The following CRMP1 variants were observed in gnomAD, a reference collection of about 807,000 sequenced individuals.
CRMP1 encodes collapsin response mediator protein 1.
In CRMP1, 19 loss-of-function variants were observed where a neutral mutation model predicts 68.3. That is an observed-to-expected ratio of 0.28 (90% CI 0.19 to 0.41). The LOEUF (loss-of-function observed/expected upper bound fraction) is 0.41, where lower values mean the gene tolerates loss of function less well. Among genes scored for constraint, CRMP1 ranks in the 10% least tolerant of loss-of-function variants. CRMP1 has a pLI of 1.00. For synonymous variants in CRMP1, 439 were observed against 399.6 expected, an observed-to-expected ratio of 1.10 and a Z score of -1.18; for missense variants, 791 against 967.4, an observed-to-expected ratio of 0.82 and a Z score of 2.42.
rs1487724776 is a variant in CRMP1, at chr4:5,825,533, G to A, written c.1930C>T (p.Pro644Ser). 6.3e-7 allele frequency: 1 copy of A among 1,588,638 alleles called. No homozygotes were observed. Among genetic ancestry groups the A allele is most frequent in the Non-Finnish European group, 8.5e-7 (1 of 1,171,376 alleles). Residue 644 changes from proline (P) to serine (S), a missense_variant, in exon 13 of 14, where the codon CCC becomes TCC. Pro to Ser is a moderately conservative substitution (Grantham distance 74). Transcript: ENST00000324989. The surrounding 1 kb of genome is among the most constrained non-coding windows in gnomAD (Gnocchi z 4.4). ...KSSPSKHQPP[P>S]IRNLHQSNFS... Reference sequence around the variant, plus strand: ...TTGGACTGGTGGAGGTTTCTGATGGGTGGGGGCTGGTGTTTAGAAGGCGAA... The same window carrying A: ...TTGGACTGGTGGAGGTTTCTGATGGATGGGGGCTGGTGTTTAGAAGGCGAA...
At chr4:5,880,584 G>A (rs959390381) in intron 1 of CRMP1, among the ~76,000 whole-genome samples, 37 of 152,178 alleles carry the variant, frequency 2.4e-4, no homozygotes, top group African/African-American at 8.9e-4. Context: ...GATCCCACTT[G>A]TGTGTAAAAA....
In CRMP1 at chr4:5,858,824, A is replaced by G. The variant is rs1577804700; in HGVS notation, c.655+2202T>C. 6.6e-6 allele frequency among the ~76,000 whole-genome samples: 1 copy of G among 152,202 alleles called. No homozygotes were observed. Among genetic ancestry groups the G allele is most frequent in the Non-Finnish European group, 1.5e-5 (1 of 68,000 alleles). On this transcript the variant is annotated intron_variant, in intron 3 of 13. Coordinates refer to ENST00000324989, the MANE Select transcript of CRMP1 (RefSeq NM_001014809.3). This position sits in a 1 kb window ranked among gnomAD's most constrained non-coding sequence, Gnocchi z 5.5. ...TTGCCTCACAGGATGTCATCCCTCA[A>G]TCTCGACACCCCTGCACCGTGGGCC...
intron 6 of CRMP1, among the ~76,000 whole-genome samples, chr4:5,848,780 T>G (rs1203971582): frequency 1.3e-5 from 2 of 152,174 alleles, no homozygotes; most frequent in Non-Finnish European, 2.9e-5. Context: ...AGCATGGCGG[T>G]GGGCATCACA....
Position 5,855,031 on chromosome 4 carries a change from A to G in CRMP1, c.820+1112T>C, listed in dbSNP as rs73797931. On this transcript the variant is annotated intron_variant, in intron 4 of 13. Transcript: ENST00000324989. This position sits in a 1 kb window ranked among gnomAD's most constrained non-coding sequence, Gnocchi z 4.9. ...AGCTAAGCAAATTAACCATTATATTATACATTACAAGCCATTAAAAAGTTA... is the reference window on the plus strand; with the variant it reads ...AGCTAAGCAAATTAACCATTATATTGTACATTACAAGCCATTAAAAAGTTA... Among the ~76,000 whole-genome samples, 2,690 of 152,304 alleles carry G rather than the reference A, an allele frequency of 0.018. 85 individuals are homozygous for G. Among genetic ancestry groups the G allele is most frequent in the African/African-American group, 0.061 (2,545 of 41,542 alleles).
intron 3 of CRMP1, among the ~76,000 whole-genome samples, chr4:5,856,716 C>T (rs1713091122): frequency 6.6e-6 from 1 of 151,796 alleles, no homozygotes; most frequent in Non-Finnish European, 1.5e-5. Flanking sequence ...CCACCACCGT[C>T]ATCACTATCA....
rs1189166971 is a variant in CRMP1 at position 5,890,342 on chromosome 4, A to C, written c.381+2247T>G. 3.9e-5 allele frequency among the ~76,000 whole-genome samples: 6 copies of C among 152,154 alleles called. No homozygotes were observed. Among genetic ancestry groups the C allele is most frequent in the Non-Finnish European group, 5.9e-5 (4 of 68,024 alleles). The stretch of plus-strand genomic sequence containing the variant: ...AGATTTCGCCGGTACAAAGCGCCGC[A>C]GCCGCTCAGCCTCCGGCAGCGGCAA... On this transcript the variant is annotated intron_variant, in intron 1 of 13. Coordinates refer to ENST00000324989, the MANE Select transcript of CRMP1 (RefSeq NM_001014809.3). The surrounding 1 kb of genome is among the most constrained non-coding windows in gnomAD (Gnocchi z 5.5).
Position 5,877,052 on chromosome 4 carries a change from AG to A in CRMP1, c.382-10297del, listed in dbSNP as rs1207192868. 6.6e-6 allele frequency among the ~76,000 whole-genome samples: 1 copy of A among 152,194 alleles called. No homozygotes were observed. Among genetic ancestry groups the A allele is most frequent in the Non-Finnish European group, 1.5e-5 (1 of 68,040 alleles). ...TGCACCAGTCTGAGCACAAGCTTTAAGGGGCAGATGGGTTCAGCTTTCCCTG... is the reference window on the plus strand; with the variant it reads ...TGCACCAGTCTGAGCACAAGCTTTAAGGGCAGATGGGTTCAGCTTTCCCTG... On this transcript the variant is annotated intron_variant, in intron 1 of 13. Transcript: ENST00000324989. This position sits in a 1 kb window ranked among gnomAD's most constrained non-coding sequence, Gnocchi z 4.3.
At position 5,843,726 on chromosome 4, in the gene CRMP1, G is replaced by A. The variant is rs1030860311; in HGVS notation, c.964-565C>T. Among the ~76,000 whole-genome samples the A allele has an allele frequency of 3.3e-5, 5 of 152,166 alleles. No homozygotes were observed. The highest frequency in any genetic ancestry group is 7.3e-5 in the Non-Finnish European group (5 of 68,040). On this transcript the variant is annotated intron_variant, in intron 6 of 13. Coordinates refer to ENST00000324989, the MANE Select transcript of CRMP1 (RefSeq NM_001014809.3). This position sits in a 1 kb window ranked among gnomAD's most constrained non-coding sequence, Gnocchi z 4.1. ...GAGTTACTACGCTGATCAGATGAGC[G>A]AGCATACGAAACATGCTCAGCACAA...
chr4:5,859,354 T>A lies in CRMP1; in HGVS notation c.655+1672A>T, dbSNP rs1356136957. ...GCTTACAGGGCAGGGCTCCCCAGGG[T>A]CTCACAGCTGGTAATGGAGAAAAGC... On this transcript the variant is annotated intron_variant, in intron 3 of 13. Coordinates refer to ENST00000324989, the MANE Select transcript of CRMP1 (RefSeq NM_001014809.3). This position sits in a 1 kb window ranked among gnomAD's most constrained non-coding sequence, Gnocchi z 5.2. Among the ~76,000 whole-genome samples, 1 of 151,940 alleles carries A rather than the reference T, an allele frequency of 6.6e-6. No individual in the cohort carries two copies. The highest frequency in any genetic ancestry group is 1.5e-5 in the Non-Finnish European group (1 of 67,996).
chr4:5,828,771 A>AT, intron 11 of CRMP1, 103 bp from the exon 12 acceptor site: 1 of 1,356,634 alleles, frequency 7.4e-7, no homozygotes. Context: ...GCGTGTTCCA[A>AT]TGTTTTTTTT....
chr4:5,824,381 G>C (rs1366118692), intron 13 of CRMP1: 1 of 985,392 alleles, frequency 1.0e-6, no homozygotes, highest in Non-Finnish European at 1.2e-6. Flanking sequence ...GATGAATGGG[G>C]AGGCCTCCTT....
intron 13 of CRMP1, among the ~76,000 whole-genome samples, chr4:5,823,621 C>T (rs1719047772): frequency 2.0e-5 from 3 of 152,140 alleles, no homozygotes; most frequent in African/African-American, 4.8e-5. Flanking sequence ...TATTAGCTCT[C>T]GGAAGAACTG....
chr4:5,885,284 C>T (rs1334428922), intron 1 of CRMP1, among the ~76,000 whole-genome samples: 2 of 152,156 alleles, frequency 1.3e-5, no homozygotes, highest in Non-Finnish European at 2.9e-5. Flanking sequence ...AAGCTACACC[C>T]TTATCCCCAC....
intron 1 of CRMP1, among the ~76,000 whole-genome samples, chr4:5,868,280 T>TCTATATATATATAG (rs1213817219): frequency 1.2e-5 from 1 of 86,346 alleles, no homozygotes; most frequent in African/African-American, 5.6e-5. Flanking sequence ...TATATATATA[T>TCTATATATATATAG]ATATATATAT....
rs747918902 is a variant in CRMP1, at chr4:5,855,855, C to T, written c.820+288G>A. Among the ~76,000 whole-genome samples the T allele has an allele frequency of 3.3e-5, 5 of 152,112 alleles. No homozygotes were observed. The highest frequency in any genetic ancestry group is 7.4e-5 in the Non-Finnish European group (5 of 67,984). ...AGGGATGGCAGCCAGGCTAGTGATC[C>T]GGGTGATGGAAAAGAAAAGTGAAGT... On this transcript the variant is annotated intron_variant, in intron 4 of 13. Transcript: ENST00000324989. This position sits in a 1 kb window ranked among gnomAD's most constrained non-coding sequence, Gnocchi z 4.9.
intron 11 of CRMP1, among the ~76,000 whole-genome samples, chr4:5,833,557 CCTCT>C (rs77284695): frequency 1.3e-5 from 2 of 151,026 alleles, no homozygotes; most frequent in Non-Finnish European, 2.9e-5. Flanking sequence ...ACACATGTGT[CCTCT>C]CTCTCTCTCC....
chr4:5,850,617 T>C lies in CRMP1; in HGVS notation c.882+791A>G, dbSNP rs1407941688. ...CACCATCCTAGCACTTTACTCTTCT[T>C]ATGAAATCATTCAACTGCCTCTATA... is the stretch of plus-strand genomic sequence containing the variant. On this transcript the variant is annotated intron_variant, in intron 5 of 13. Coordinates refer to ENST00000324989, the MANE Select transcript of CRMP1 (RefSeq NM_001014809.3). This position sits in a 1 kb window ranked among gnomAD's most constrained non-coding sequence, Gnocchi z 4.4. 6.6e-6 allele frequency among the ~76,000 whole-genome samples: 1 copy of C among 152,188 alleles called. No individual in the cohort carries two copies. Among genetic ancestry groups the C allele is most frequent in the Non-Finnish European group, 1.5e-5 (1 of 68,030 alleles).
intron 6 of CRMP1, among the ~76,000 whole-genome samples, chr4:5,844,500 T>C (rs1017781852): frequency 4.6e-5 from 7 of 152,162 alleles, no homozygotes; most frequent in African/African-American, 1.7e-4. Context: ...TCTAAAATAA[T>C]GGACTACACA....
chr4:5,861,360 T>G lies in CRMP1; in HGVS notation c.471-150A>C, dbSNP rs1713534846. 1.3e-6 allele frequency: 1 copy of G among 750,240 alleles called. No individual in the cohort carries two copies. The highest frequency in any genetic ancestry group is 1.8e-5 in the South Asian group (1 of 56,020). The allele number at this position is 750,240 out of a possible 1,614,324, so 46.5% of individuals were successfully genotyped here. A position where few individuals can be genotyped will look rare whatever the true frequency, so the allele number is the denominator to read the frequency against. On this transcript the variant is annotated intron_variant, in intron 2 of 13. Coordinates refer to ENST00000324989, the MANE Select transcript of CRMP1 (RefSeq NM_001014809.3). This position sits in a 1 kb window ranked among gnomAD's most constrained non-coding sequence, Gnocchi z 6.0. ...ACAGAGATAACTCAGGCAGGGCACA[T>G]GCCCTCAAGGGGCTCATAGTCTAAT...
Sources: gnomAD v4.1 joint callset for allele counts (sites outside exome capture counted in the v4.1 genomes callset) on GRCh38, gnomAD v4.1.1 for gene constraint, Gnocchi (gnomAD v3.1) non-coding constraint, MANE v1.5 for transcripts, NCBI Gene and HGNC (gene_info 2026-07-23, HGNC 2026-07-21) for gene names.